KIF11: variants seen among roughly 807,000 people sequenced by gnomAD.
KIF11 encodes the protein kinesin family member 11.
A neutral mutation model predicts 121.0 loss-of-function variants in KIF11; 9 were observed. That is an observed-to-expected ratio of 0.07 (90% CI 0.04 to 0.13). KIF11 has a LOEUF of 0.13. Ranked by LOEUF, KIF11 falls within the 10% of genes least tolerant of loss-of-function variation. The pLI, the probability that KIF11 is intolerant of heterozygous loss-of-function variation, is 1.00. For missense variants in KIF11, 846 were observed against 1,217.5 expected (o/e 0.69, Z 4.54); for synonymous variants, 408 against 421.0 (o/e 0.97, Z 0.38).
intron 12 of KIF11, among the ~76,000 whole-genome samples, chr10:92,630,668 G>A (rs1391878353): frequency 6.6e-6 from 1 of 151,862 alleles, no homozygotes; most frequent in African/African-American, 2.4e-5. Flanking sequence ...AGGTGTTCGA[G>A]ACCAGCCTGA....
intron 1 of KIF11, among the ~76,000 whole-genome samples, chr10:92,602,262 T>A (rs1780169635): frequency 6.6e-6 from 1 of 152,194 alleles, no homozygotes; most frequent in Non-Finnish European, 1.5e-5. Context: ...AGGGTAATGC[T>A]TGCCTCACAA....
At chr10:92,600,213 C>A (rs1057005475) in intron 1 of KIF11, among the ~76,000 whole-genome samples, 3 of 151,784 alleles carry the variant, frequency 2.0e-5, no homozygotes, top group Non-Finnish European at 4.4e-5. Context: ...TCATGTTGGT[C>A]AGGCTGGTCT....
chr10:92,651,508 T>TA (rs57998983), intron 21 of KIF11, among the ~76,000 whole-genome samples: 7,104 of 30,766 alleles, frequency 0.23, 775 homozygotes, highest in East Asian at 0.39. Flanking sequence ...GCTAATTTTG[T>TA]TTTTTTTTTT....
chr10:92,649,281 A>AT (rs1564718167), intron 19 of KIF11, among the ~76,000 whole-genome samples: 1 of 152,196 alleles, frequency 6.6e-6, no homozygotes, highest in African/African-American at 2.4e-5. Context: ...TTTGTAAATC[A>AT]TGAGAGCATG....
At position 92,621,873 on chromosome 10, in the gene KIF11, C is replaced by T. The variant is rs147284833; in HGVS notation, c.1217+400C>T. ...TCAAACACTTTTTAAAAATCTTTTACTAACTTTTAATTTTTAAATCATTAA... is the reference window on the plus strand; with the variant it reads ...TCAAACACTTTTTAAAAATCTTTTATTAACTTTTAATTTTTAAATCATTAA... On this transcript the variant is annotated intron_variant, in intron 10 of 21. Transcript: ENST00000260731. Among the ~76,000 whole-genome samples the T allele has an allele frequency of 5.4e-3, 830 of 152,294 alleles. 11 individuals carry two copies. The highest frequency in any genetic ancestry group is 0.019 in the African/African-American group (800 of 41,546).
intron 1 of KIF11, chr10:92,597,023 T>C: frequency 2.5e-6 from 1 of 395,678 alleles, no homozygotes; most frequent in Admixed American, 2.9e-5. Context: ...AATCTGTGTG[T>C]TCCTGGATCT....
intron 8 of KIF11, among the ~76,000 whole-genome samples, chr10:92,616,076 A>T (rs1171762786): frequency 6.6e-6 from 1 of 151,548 alleles, no homozygotes; most frequent in Non-Finnish European, 1.5e-5. Context: ...TGACCTCATG[A>T]TTCACCCGCC....
chr10:92,596,219 G>A (rs1005030264), intron 1 of KIF11, among the ~76,000 whole-genome samples: 2 of 152,170 alleles, frequency 1.3e-5, no homozygotes, highest in African/African-American at 4.8e-5. Flanking sequence ...TAGCCAGGAT[G>A]GTCTCCATCT....
intron 10 of KIF11, among the ~76,000 whole-genome samples, chr10:92,626,993 A>C (rs1280450892): frequency 6.6e-6 from 1 of 152,142 alleles, no homozygotes; most frequent in Non-Finnish European, 1.5e-5. Flanking sequence ...TGATCTGCTG[A>C]CTTCGTGATC....
chr10:92,599,225 T>G (rs1844337807), intron 1 of KIF11, among the ~76,000 whole-genome samples: 1 of 151,890 alleles, frequency 6.6e-6, no homozygotes, highest in Non-Finnish European at 1.5e-5. Flanking sequence ...TGTATAAAAA[T>G]GTAACTGGAG....
chr10:92,639,938 G>A, intron 17 of KIF11, 38 bp downstream of exon 17: 1 of 1,075,294 alleles, frequency 9.3e-7, no homozygotes, highest in Non-Finnish European at 1.4e-6. Flanking sequence ...TTTTCTGTAA[G>A]TCTGAAATTA....
At chr10:92,651,747 A>G (rs1844988076) in intron 21 of KIF11, among the ~76,000 whole-genome samples, 1 of 151,624 alleles carries the variant, frequency 6.6e-6, no homozygotes, top group African/African-American at 2.4e-5. Flanking sequence ...TACACAATCA[A>G]TGTCACCAGT....
chr10:92,653,862 C>T lies in KIF11; in HGVS notation c.*66C>T. On this transcript the variant is annotated 3_prime_UTR_variant, in exon 22 of 22. Coordinates refer to ENST00000260731, the MANE Select transcript of KIF11 (RefSeq NM_004523.4). ...AAAAATAAAACCTGAAACCCCAGAA[C>T]TTGAGCCTTGTGTATAGATTTTAAA... The T allele has an allele frequency of 1.4e-6, 2 of 1,407,100 alleles. No individual in the cohort carries two copies. Among genetic ancestry groups the T allele is most frequent in the Admixed American group, 4.1e-5 (2 of 49,308 alleles). 87.2% of individuals were successfully genotyped at this position (1,407,100 alleles called of 1,614,324 possible).
At chr10:92,599,681 T>C (rs911503946) in intron 1 of KIF11, among the ~76,000 whole-genome samples, 22 of 147,274 alleles carry the variant, frequency 1.5e-4, no homozygotes, top group African/African-American at 5.0e-4. Flanking sequence ...TGAGATGGAG[T>C]CTCGCTTTGT....
At chr10:92,623,903 T>C (rs778744824) in intron 10 of KIF11, among the ~76,000 whole-genome samples, 1 of 152,188 alleles carries the variant, frequency 6.6e-6, no homozygotes, top group Non-Finnish European at 1.5e-5. Context: ...TTTTAACTTT[T>C]ATTTTAGTTT....
At position 92,655,247 on chromosome 10, in the gene KIF11, C is replaced by G. The variant is rs187812016; in HGVS notation, c.*1451C>G. On this transcript the variant is annotated 3_prime_UTR_variant, in exon 22 of 22. Coordinates refer to ENST00000260731, the MANE Select transcript of KIF11 (RefSeq NM_004523.4). ...TTGAAGAATTGAATATATGCTACTT[C>G]AAGAAACTAAATTGATCTCGTAGAA... 3 of 152,258 alleles carry G rather than the reference C, an allele frequency of 2.0e-5. No individual in the cohort carries two copies. The highest frequency in any genetic ancestry group is 3.9e-4 in the East Asian group (2 of 5,180). 9.4% of individuals were successfully genotyped at this position (152,258 alleles called of 1,614,324 possible).
intron 10 of KIF11, among the ~76,000 whole-genome samples, chr10:92,626,403 A>T (rs1189831956): frequency 3.3e-5 from 5 of 152,340 alleles, no homozygotes; most frequent in Admixed American, 3.3e-4. Context: ...CCATATACAG[A>T]AATCAACTCA....
At chr10:92,606,151 C>A in intron 1 of KIF11, 114 bp from the exon 2 acceptor site, 1 of 898,570 alleles carries the variant, frequency 1.1e-6, no homozygotes, top group Non-Finnish European at 1.6e-6. Flanking sequence ...ATCTCCATCA[C>A]CAACAATGTG....
intron 18 of KIF11, among the ~76,000 whole-genome samples, chr10:92,647,260 G>T (rs533147487): frequency 6.7e-6 from 1 of 149,318 alleles, no homozygotes. Context: ...TCAGCAACAA[G>T]TTTTTTTTTT....
Sources: gnomAD v4.1 joint callset for allele counts (sites outside exome capture counted in the v4.1 genomes callset) on GRCh38, gnomAD v4.1.1 for gene constraint, MANE v1.5 for transcripts, NCBI Gene and HGNC (gene_info 2026-07-23, HGNC 2026-07-21) for gene names.